Variants in FNDC3B observed in about 807,000 individuals in gnomAD.
FNDC3B encodes fibronectin type III domain containing 3B.
A neutral mutation model predicts 151.5 loss-of-function variants in FNDC3B; 12 were observed. The observed-to-expected ratio is 0.08, with a 90% CI of 0.05 to 0.13. The LOEUF is 0.13. Ranked by LOEUF, FNDC3B falls within the 10% of genes least tolerant of loss-of-function variation. The pLI is 1.00. For missense variants in FNDC3B, 1,214 were observed against 1,505.3 expected (o/e 0.81, Z 3.20); for synonymous variants, 528 against 549.0 (o/e 0.96, Z 0.54).
intron 1 of FNDC3B, among the ~76,000 whole-genome samples, chr3:172,057,574 A>G (rs1716976728): frequency 6.6e-6 from 1 of 152,168 alleles, no homozygotes; most frequent in Non-Finnish European, 1.5e-5. Flanking sequence ...TTTTTTCTAG[A>G]CATAAACACA....
chr3:172,354,633 T>C, intron 22 of FNDC3B, among the ~76,000 whole-genome samples: 1 of 151,964 alleles, frequency 6.6e-6, no homozygotes, highest in East Asian at 1.9e-4. Flanking sequence ...GTCTTGTTGT[T>C]TTATGTTTCA....
At chr3:172,232,695 C>T (rs2108749939) in intron 4 of FNDC3B, among the ~76,000 whole-genome samples, 1 of 152,244 alleles carries the variant, frequency 6.6e-6, no homozygotes, top group Non-Finnish European at 1.5e-5. Context: ...TTAATCTTAT[C>T]ACAGTCATCA....
intron 5 of FNDC3B, among the ~76,000 whole-genome samples, chr3:172,250,826 T>A (rs926929917): frequency 2.6e-5 from 4 of 152,206 alleles, no homozygotes; most frequent in African/African-American, 9.7e-5. Flanking sequence ...CTTTTTTCTT[T>A]TTCTTTTTGA....
intron 1 of FNDC3B, among the ~76,000 whole-genome samples, chr3:172,061,263 C>T (rs540342123): frequency 1.8e-4 from 26 of 147,254 alleles, no homozygotes; most frequent in Admixed American, 1.3e-3. Context: ...GATGGAGTCT[C>T]GCTCTGTCAC....
At chr3:172,384,009 A>AT (rs977191277) in intron 25 of FNDC3B, among the ~76,000 whole-genome samples, 20 of 11,642 alleles carry the variant, frequency 1.7e-3, no homozygotes, top group East Asian at 0.056. Flanking sequence ...AGCATAATTT[A>AT]TAAAAAAAAC....
At chr3:172,241,467 A>C (rs938256040) in intron 4 of FNDC3B, among the ~76,000 whole-genome samples, 1 of 152,176 alleles carries the variant, frequency 6.6e-6, no homozygotes, top group African/African-American at 2.4e-5. Flanking sequence ...CATAGGAAAA[A>C]GGTTTAATCA....
chr3:172,255,101 C>T (rs1728262739), intron 6 of FNDC3B, among the ~76,000 whole-genome samples: 1 of 152,196 alleles, frequency 6.6e-6, no homozygotes. Flanking sequence ...CATCTCTCTA[C>T]TCTCCATCTG....
intron 9 of FNDC3B, chr3:172,302,422 G>A (rs957760508): frequency 3.3e-5 from 5 of 152,192 alleles, no homozygotes; most frequent in Admixed American, 6.5e-5. Context: ...CATGCCTGTG[G>A]CTGCTCCAGT....
intron 3 of FNDC3B, among the ~76,000 whole-genome samples, chr3:172,174,581 T>A (rs1723452904): frequency 6.6e-6 from 1 of 152,190 alleles, no homozygotes; most frequent in Admixed American, 6.5e-5. Context: ...AATCTTTGAA[T>A]TTGAAAGACT....
chr3:172,395,360 CCTT>C (rs1347646413), intron 25 of FNDC3B, among the ~76,000 whole-genome samples: 1 of 152,164 alleles, frequency 6.6e-6, no homozygotes, highest in East Asian at 1.9e-4. Context: ...CCTTGTGAGA[CCTT>C]CTTCCTCCAT....
At chr3:172,248,524 G>A (rs1388499267) in intron 5 of FNDC3B, among the ~76,000 whole-genome samples, 2 of 151,988 alleles carry the variant, frequency 1.3e-5, no homozygotes, top group African/African-American at 4.8e-5. Flanking sequence ...TTAGACTTTA[G>A]CCTCTAGGAC....
intron 7 of FNDC3B, among the ~76,000 whole-genome samples, chr3:172,290,474 C>T (rs374536667): frequency 9.2e-5 from 14 of 152,254 alleles, no homozygotes; most frequent in East Asian, 5.8e-4. Flanking sequence ...CCAGCCATCT[C>T]GAGCCTAATG....
At chr3:172,153,934 G>A (rs1251315364) in intron 3 of FNDC3B, among the ~76,000 whole-genome samples, 1 of 152,118 alleles carries the variant, frequency 6.6e-6, no homozygotes, top group Non-Finnish European at 1.5e-5. Flanking sequence ...GTGTCTTGGT[G>A]GAAAAAGTTC....
chr3:172,197,966 T>C (rs944303952), intron 3 of FNDC3B, among the ~76,000 whole-genome samples: 8 of 152,240 alleles, frequency 5.3e-5, no homozygotes, highest in African/African-American at 1.9e-4. Context: ...GATATAAATA[T>C]TCCTTTGCTC....
At chr3:172,152,355 C>G (rs913411238) in intron 3 of FNDC3B, among the ~76,000 whole-genome samples, 1 of 152,154 alleles carries the variant, frequency 6.6e-6, no homozygotes, top group Non-Finnish European at 1.5e-5. Context: ...GGGTACTTAA[C>G]GCCTTCTAAG....
At chr3:172,351,006 G>A (rs1261633824) in intron 21 of FNDC3B, among the ~76,000 whole-genome samples, 1 of 152,148 alleles carries the variant, frequency 6.6e-6, no homozygotes, top group African/African-American at 2.4e-5. Flanking sequence ...AAATCTTTTT[G>A]ATAACATTTA....
chr3:172,120,296 T>C (rs1399789962), intron 2 of FNDC3B, among the ~76,000 whole-genome samples: 1 of 152,234 alleles, frequency 6.6e-6, no homozygotes, highest in Non-Finnish European at 1.5e-5. Flanking sequence ...ACTGGCATGG[T>C]AGCATTGCAC....
At chr3:172,390,331 C>G (rs1306925869) in intron 25 of FNDC3B, among the ~76,000 whole-genome samples, 1 of 152,098 alleles carries the variant, frequency 6.6e-6, no homozygotes, top group Non-Finnish European at 1.5e-5. Flanking sequence ...AAGAAAGTTC[C>G]CTTCAGTTAA....
chr3:172,382,915 T>G (rs569416061), intron 25 of FNDC3B, among the ~76,000 whole-genome samples: 1 of 152,316 alleles, frequency 6.6e-6, no homozygotes, highest in African/African-American at 2.4e-5. Flanking sequence ...GCCTCCAGCT[T>G]TGTTCTTTTT....
Sources: allele counts gnomAD v4.1 joint callset (sites outside exome capture counted in the v4.1 genomes callset), GRCh38; gene constraint gnomAD v4.1.1; transcripts MANE v1.5; gene names NCBI Gene and HGNC (gene_info 2026-07-23, HGNC 2026-07-21).